Variants in ZNF804B observed in about 807,000 individuals in gnomAD.
ZNF804B encodes zinc finger 804B.
In ZNF804B, 80 loss-of-function variants were observed where a neutral mutation model predicts 101.4. The observed-to-expected ratio is 0.79, with a 90% CI of 0.66 to 0.95. ZNF804B has a LOEUF of 0.95. Among genes scored for constraint, ZNF804B ranks in the 40% least tolerant of loss-of-function variants. The probability of loss-of-function intolerance (pLI) is 0.00; values close to 1 mark genes in which losing one functional copy is unlikely to be tolerated. For synonymous variants in ZNF804B, 622 were observed against 558.8 expected (o/e 1.11, Z -1.59); for missense variants, 1,673 against 1,561.9 (o/e 1.07, Z -1.20).
chr7:89,111,475 C>A (rs562855060), intron 1 of ZNF804B, among the ~76,000 whole-genome samples: 2 of 152,252 alleles, frequency 1.3e-5, no homozygotes, highest in South Asian at 4.1e-4. Flanking sequence ...TCTGTAATGA[C>A]AGATAACGTT....
At chr7:89,329,121 T>C (rs1421586006) in intron 3 of ZNF804B, among the ~76,000 whole-genome samples, 1 of 151,824 alleles carries the variant, frequency 6.6e-6, no homozygotes, top group African/African-American at 2.4e-5. Flanking sequence ...GGAAGCCTTA[T>C]TCACTAAACA....
intron 1 of ZNF804B, among the ~76,000 whole-genome samples, chr7:88,762,678 T>TA (rs556282151): frequency 6.6e-6 from 1 of 151,280 alleles, no homozygotes; most frequent in African/African-American, 2.4e-5. Context: ...TCTATTTCCT[T>TA]AAAAAAACAT....
In ZNF804B at chr7:89,336,804, C is replaced by A. The variant is rs1161242769; in HGVS notation, c.3822C>A (p.Thr1274=). 7 of 1,613,972 alleles carry A rather than the reference C, an allele frequency of 4.3e-6. 1 individual carries two copies. The South Asian group carries it at 6.6e-5, about 15-fold the overall frequency. ...AGHPLHLVAA[T]PFHPSHITLQ... is the part of the protein sequence containing the mutation. ...ATCCCCTGCATTTAGTAGCTGCTAC[C>A]CCCTTCCACCCATCTCACATAACAC... The change falls in exon 4 of 4, where the codon ACC becomes ACA. Residue 1274 remains threonine (T), a synonymous_variant. Coordinates refer to ENST00000333190, the MANE Select transcript of ZNF804B (RefSeq NM_181646.5).
At chr7:88,781,767 T>G (rs896208658) in intron 1 of ZNF804B, among the ~76,000 whole-genome samples, 5 of 152,136 alleles carry the variant, frequency 3.3e-5, no homozygotes, top group Admixed American at 1.3e-4. Flanking sequence ...ATATGAAACC[T>G]GGGATTCTTT....
At chr7:89,255,535 T>C (rs1312881387) in intron 2 of ZNF804B, among the ~76,000 whole-genome samples, 1 of 152,304 alleles carries the variant, frequency 6.6e-6, no homozygotes, top group East Asian at 1.9e-4. Context: ...ATTTCATTAA[T>C]AATACTGGAA....
intron 2 of ZNF804B, among the ~76,000 whole-genome samples, chr7:89,264,046 A>G (rs888342964): frequency 9.8e-5 from 15 of 152,350 alleles, no homozygotes; most frequent in African/African-American, 3.4e-4. Flanking sequence ...AAGACAGTAC[A>G]TAAAACCTTC....
rs189924542 is a variant in ZNF804B, at chr7:89,173,008, G to A, written c.109-45147G>A. Among the ~76,000 whole-genome samples, 679 of 152,218 alleles carry A rather than the reference G, an allele frequency of 4.5e-3. 17 individuals carry two copies. Among genetic ancestry groups the A allele is most frequent in the Admixed American group, 0.036 (552 of 15,280 alleles). On this transcript the variant is annotated intron_variant, in intron 1 of 3. Transcript: ENST00000333190. The stretch of plus-strand genomic sequence containing the variant: ...AAAGAAAACCAGGGCTTTGAGAGAC[G>A]ATAATTCAAGGCAATGATTACAATT...
chr7:88,971,619 T>C (rs1242135332), intron 1 of ZNF804B, among the ~76,000 whole-genome samples: 3 of 151,616 alleles, frequency 2.0e-5, no homozygotes, highest in African/African-American at 7.3e-5. Flanking sequence ...TGGAGATAAA[T>C]TTCATAGCTA....
At chr7:89,160,961 A>G (rs1369021104) in intron 1 of ZNF804B, among the ~76,000 whole-genome samples, 2 of 152,148 alleles carry the variant, frequency 1.3e-5, no homozygotes, top group Non-Finnish European at 2.9e-5. Context: ...GCTGTGTCCA[A>G]ACACTGCAAT....
intron 1 of ZNF804B, among the ~76,000 whole-genome samples, chr7:89,151,245 T>C (rs722002): frequency 0.096 from 14,635 of 152,192 alleles, 765 homozygotes; most frequent in Middle Eastern, 0.13. Context: ...ATGTGGTATA[T>C]AATGGCCATT....
intron 1 of ZNF804B, among the ~76,000 whole-genome samples, chr7:89,215,060 G>A (rs1788869257): frequency 6.6e-6 from 1 of 152,130 alleles, no homozygotes; most frequent in African/African-American, 2.4e-5. Flanking sequence ...TTTTGTGGTA[G>A]AATTTATACT....
intron 1 of ZNF804B, among the ~76,000 whole-genome samples, chr7:88,872,245 T>C (rs1173645141): frequency 6.6e-6 from 1 of 152,130 alleles, no homozygotes; most frequent in African/African-American, 2.4e-5. Flanking sequence ...AGATAAATAA[T>C]GGACCTGTAC....
intron 2 of ZNF804B, among the ~76,000 whole-genome samples, chr7:89,257,728 G>C (rs1284532058): frequency 1.3e-5 from 2 of 152,118 alleles, no homozygotes; most frequent in African/African-American, 4.8e-5. Flanking sequence ...AATGAGCATA[G>C]TACCTAATAG....
At chr7:88,858,964 G>T (rs1391181589) in intron 1 of ZNF804B, among the ~76,000 whole-genome samples, 2 of 151,788 alleles carry the variant, frequency 1.3e-5, no homozygotes, top group African/African-American at 4.8e-5. Flanking sequence ...TTAATGAGGA[G>T]GCTTATGAAC....
Position 89,336,974 on chromosome 7 carries a change from A to G in ZNF804B, c.3992A>G (p.Gln1331Arg). Residue 1331 changes from glutamine to arginine, a missense_variant, in exon 4 of 4, where the codon CAG (glutamine) becomes CGG (arginine). Gln to Arg is a conservative substitution (Grantham distance 43). Coordinates refer to ENST00000333190, the MANE Select transcript of ZNF804B (RefSeq NM_181646.5). ...TTTTGCCATCATTCTTGCTCTAGCC[A>G]GATGCAACAGCTAAATGAAGTGAAA... ...QDFCHHSCSS[Q>R]MQQLNEVKEA... 6.2e-7 allele frequency: 1 copy of G among 1,614,126 alleles called. No homozygotes were observed.
At chr7:88,788,880 G>A (rs1790340246) in intron 1 of ZNF804B, among the ~76,000 whole-genome samples, 1 of 152,068 alleles carries the variant, frequency 6.6e-6, no homozygotes, top group Non-Finnish European at 1.5e-5. Context: ...AGGATAAATG[G>A]TAATCTTTTC....
chr7:89,102,057 C>A (rs965720449), intron 1 of ZNF804B, among the ~76,000 whole-genome samples: 1 of 151,980 alleles, frequency 6.6e-6, no homozygotes, highest in Non-Finnish European at 1.5e-5. Flanking sequence ...ATATACACCA[C>A]ATTTTTTTAA....
intron 1 of ZNF804B, among the ~76,000 whole-genome samples, chr7:89,085,394 C>T (rs997165903): frequency 4.0e-5 from 6 of 151,848 alleles, no homozygotes; most frequent in African/African-American, 1.5e-4. Flanking sequence ...TCTTTTTCCT[C>T]CATAAGTAAG....
At chr7:89,038,672 T>C (rs1294357569) in intron 1 of ZNF804B, among the ~76,000 whole-genome samples, 1 of 152,146 alleles carries the variant, frequency 6.6e-6, no homozygotes, top group Non-Finnish European at 1.5e-5. Context: ...CAGTTTGATA[T>C]AATCCCATTC....
Sources: allele counts gnomAD v4.1 joint callset (sites outside exome capture counted in the v4.1 genomes callset), GRCh38; gene constraint gnomAD v4.1.1; transcripts MANE v1.5; gene names NCBI Gene and HGNC (gene_info 2026-07-23, HGNC 2026-07-21).